Variants in FARP1 observed in about 807,000 individuals in gnomAD.
The protein encoded by FARP1 is FERM, ARH/RhoGEF and pleckstrin domain protein 1.
In FARP1, 52 loss-of-function variants were observed where a neutral mutation model predicts 128.8. The ratio of observed to expected loss-of-function variants is 0.40; its 90% CI spans 0.32 to 0.51. The LOEUF is 0.51. FARP1 is among the 20% of genes least tolerant of loss of function. The pLI, the probability that FARP1 is intolerant of heterozygous loss-of-function variation, is 0.45. For missense variants in FARP1, 1,333 were observed against 1,367.9 expected, an observed-to-expected ratio of 0.97 and a Z score of 0.40; for synonymous variants, 580 against 551.8, an observed-to-expected ratio of 1.05 and a Z score of -0.72.
Position 98,330,495 on chromosome 13 carries a change from G to A in FARP1, c.172-13267G>A, listed in dbSNP as rs190739380. On this transcript the variant is annotated intron_variant, in intron 2 of 26. Coordinates refer to ENST00000319562, the MANE Select transcript of FARP1 (RefSeq NM_005766.4). ...AATATTTCATCTACCGGGCATGGTG[G>A]CTCACTCCCAGCACTTTGGGAGGCC... is the stretch of plus-strand genomic sequence containing the variant. Among the ~76,000 whole-genome samples the A allele has an allele frequency of 8.5e-5, 13 of 152,134 alleles. No homozygotes were observed. In the East Asian group the frequency reaches 2.5e-3, roughly 29 times the overall value.
chr13:98,265,180 C>T (rs1884046242), intron 2 of FARP1, among the ~76,000 whole-genome samples: 2 of 152,158 alleles, frequency 1.3e-5, no homozygotes, highest in South Asian at 2.1e-4. Context: ...ATGAGGACAT[C>T]TCAGTGTGGT....
Position 98,451,944 on chromosome 13 carries a change from C to T in FARP1, c.*3627C>T, listed in dbSNP as rs1893216241. The stretch of plus-strand genomic sequence containing the variant: ...CAACCGCTACAGCAATCGCACAGAT[C>T]AGCAACCTCCAACTGCATCATCTCG... On this transcript the variant is annotated 3_prime_UTR_variant, in exon 27 of 27. Coordinates refer to ENST00000319562, the MANE Select transcript of FARP1 (RefSeq NM_005766.4). 1.3e-5 allele frequency: 2 copies of T among 152,246 alleles called. No individual in the cohort carries two copies. 9.4% of individuals were successfully genotyped at this position (152,246 alleles called of 1,614,324 possible). A position where few individuals can be genotyped will look rare whatever the true frequency, so the allele number is the denominator to read the frequency against.
intron 2 of FARP1, among the ~76,000 whole-genome samples, chr13:98,225,130 C>A (rs1881682770): frequency 6.6e-6 from 1 of 152,176 alleles, no homozygotes; most frequent in Non-Finnish European, 1.5e-5. Flanking sequence ...GCTGAAAAAA[C>A]CTCAGATGTT....
At chr13:98,435,492 C>CAG in intron 18 of FARP1, 84 bp from the exon 19 acceptor site, 1 of 1,407,806 alleles carries the variant, frequency 7.1e-7, no homozygotes. Flanking sequence ...GAGTGATTTC[C>CAG]CTGCAGCGTT....
At chr13:98,417,666 C>A (rs1891439116) in intron 16 of FARP1, among the ~76,000 whole-genome samples, 2 of 151,970 alleles carry the variant, frequency 1.3e-5, no homozygotes, top group Admixed American at 1.3e-4. Context: ...CCCTCCAGGG[C>A]AGAGAGGGGG....
chr13:98,349,672 GAAAAAAAA>G (rs56376512), intron 3 of FARP1, among the ~76,000 whole-genome samples: 4 of 59,864 alleles, frequency 6.7e-5, no homozygotes, highest in Admixed American at 4.6e-4. Context: ...CCATCTCAGG[GAAAAAAAA>G]AAAAAAAAAA....
intron 2 of FARP1, among the ~76,000 whole-genome samples, chr13:98,321,894 A>G (rs188054364): frequency 1.3e-5 from 2 of 152,368 alleles, no homozygotes; most frequent in East Asian, 3.9e-4. Flanking sequence ...TAGATCTGCC[A>G]CGTAATAGCT....
chr13:98,434,744 C>G (rs1256526715), intron 18 of FARP1: 2 of 152,392 alleles, frequency 1.3e-5, no homozygotes, highest in Admixed American at 6.5e-5. Context: ...CCTGTAATCC[C>G]AGCACTTTGG....
At chr13:98,270,095 A>AT (rs1338474243) in intron 2 of FARP1, among the ~76,000 whole-genome samples, 1 of 152,220 alleles carries the variant, frequency 6.6e-6, no homozygotes, top group East Asian at 1.9e-4. Flanking sequence ...AGAATAGGTA[A>AT]TTTTATAGAA....
chr13:98,393,089 T>C (rs1407278046), intron 11 of FARP1, among the ~76,000 whole-genome samples: 2 of 152,218 alleles, frequency 1.3e-5, no homozygotes, highest in Non-Finnish European at 2.9e-5. Flanking sequence ...ATAGGCAGAC[T>C]GAGAGGGAAG....
intron 2 of FARP1, among the ~76,000 whole-genome samples, chr13:98,317,628 C>T (rs1886778604): frequency 6.8e-6 from 1 of 147,420 alleles, no homozygotes; most frequent in South Asian, 2.3e-4. Flanking sequence ...TAATTGATTC[C>T]CCTCTGTCTT....
At chr13:98,264,804 A>C (rs1029926395) in intron 2 of FARP1, among the ~76,000 whole-genome samples, 31 of 152,210 alleles carry the variant, frequency 2.0e-4, no homozygotes, top group African/African-American at 5.8e-4. Context: ...CAATAGTAAT[A>C]ATAAGAATTA....
At chr13:98,158,883 G>A (rs1876673973) in intron 1 of FARP1, among the ~76,000 whole-genome samples, 1 of 152,154 alleles carries the variant, frequency 6.6e-6, no homozygotes, top group Non-Finnish European at 1.5e-5. Context: ...CTGTTCACCT[G>A]GAGGAGCTAG....
rs767819218 is a variant in FARP1 at position 98,440,866 on chromosome 13, C to T, written c.2796+30C>T. On this transcript the variant is annotated intron_variant, in intron 24 of 26. Transcript: ENST00000319562. Reference sequence around the variant, plus strand: ...GCAGGGGCAGGGCAGCTCTGGTTCCCAGCTTGTGCTGGCCCAGGCAGAACC... The same window carrying T: ...GCAGGGGCAGGGCAGCTCTGGTTCCTAGCTTGTGCTGGCCCAGGCAGAACC... 42 of 1,563,220 alleles carry T rather than the reference C, an allele frequency of 2.7e-5. 1 individual carries two copies. In the Admixed American group the frequency reaches 7.7e-4, roughly 29 times the overall value.
intron 2 of FARP1, among the ~76,000 whole-genome samples, chr13:98,335,349 T>C (rs565968149): frequency 3.8e-4 from 58 of 152,324 alleles, no homozygotes; most frequent in Admixed American, 1.6e-3. Context: ...GAGCAAGTCA[T>C]GTCTTACATG....
At position 98,209,165 on chromosome 13, in the gene FARP1, T is replaced by C. The variant is rs572974356; in HGVS notation, c.-23-4055T>C. Among the ~76,000 whole-genome samples the C allele has an allele frequency of 3.3e-5, 5 of 152,140 alleles. No homozygotes were observed. The East Asian group carries it at 5.8e-4, about 18-fold the overall frequency. The stretch of plus-strand genomic sequence containing the variant: ...CTGGGACTATAGGCGCCCACCACCA[T>C]GCCCGGCTAATTTTTTGTATTTTTA... On this transcript the variant is annotated intron_variant, in intron 1 of 26. Transcript: ENST00000319562.
rs7325796 is a variant in FARP1, at chr13:98,370,156, T to G, written c.398+1961T>G. On this transcript the variant is annotated intron_variant, in intron 5 of 26. Coordinates refer to ENST00000319562, the MANE Select transcript of FARP1 (RefSeq NM_005766.4). ...AGGCTGGTGGGTCTGGGATGCCTCT[T>G]GAGGAAGTGAGAAGGAACCATCAGT... 5.2e-3 allele frequency among the ~76,000 whole-genome samples: 792 copies of G among 152,258 alleles called. 6 individuals are homozygous for G. Among genetic ancestry groups the G allele is most frequent in the African/African-American group, 0.017 (713 of 41,558 alleles).
At chr13:98,374,400 G>A (rs1889486762) in intron 5 of FARP1, among the ~76,000 whole-genome samples, 1 of 152,084 alleles carries the variant, frequency 6.6e-6, no homozygotes, top group Non-Finnish European at 1.5e-5. Flanking sequence ...ACTCCAGCCT[G>A]GAAAACAGAG....
chr13:98,412,061 C>T (rs1459806466), intron 16 of FARP1, 27 bp downstream of exon 16: 8 of 1,606,888 alleles, frequency 5.0e-6, no homozygotes, highest in African/African-American at 1.3e-5. Context: ...TTCCCAGCTA[C>T]GTTCCTCCCT....
Sources: gnomAD v4.1 joint callset for allele counts (sites outside exome capture counted in the v4.1 genomes callset) on GRCh38, gnomAD v4.1.1 for gene constraint, MANE v1.5 for transcripts, NCBI Gene and HGNC (gene_info 2026-07-23, HGNC 2026-07-21) for gene names.